VMP1: variants seen among roughly 807,000 people sequenced by gnomAD.
VMP1 encodes vacuole membrane protein 1.
A neutral mutation model predicts 56.0 loss-of-function variants in VMP1; 11 were observed. The ratio of observed to expected loss-of-function variants is 0.20; its 90% confidence interval spans 0.12 to 0.32. The LOEUF is 0.32. Among genes scored for constraint, VMP1 ranks in the 10% least tolerant of loss-of-function variants. The pLI is 1.00. For missense variants in VMP1, 296 were observed against 490.3 expected, an observed-to-expected ratio of 0.60 and a Z score of 3.74; for synonymous variants, 149 against 165.0, an observed-to-expected ratio of 0.90 and a Z score of 0.74.
intron 9 of VMP1, among the ~76,000 whole-genome samples, chr17:59,817,017 C>T (rs2144254678): frequency 1.3e-5 from 2 of 149,750 alleles, no homozygotes; most frequent in South Asian, 2.1e-4. Context: ...GCCTGTAATC[C>T]CAGCACTTTG....
intron 7 of VMP1, among the ~76,000 whole-genome samples, chr17:59,778,792 T>C (rs1302800061): frequency 2.6e-5 from 4 of 152,234 alleles, no homozygotes; most frequent in African/African-American, 7.2e-5. Flanking sequence ...GTTTGACTTA[T>C]GATTGTTCAC....
chr17:59,792,972 G>A lies in VMP1; in HGVS notation c.715-15824G>A, dbSNP rs1296045119. ...GGCTGAGGTGGAAGGATCACTTGGA[G>A]CCCAGGAGTTCAAGACCAGTCTGGG... On this transcript the variant is annotated intron_variant, in intron 7 of 11. Transcript: ENST00000262291. Among the ~76,000 whole-genome samples, 2 of 110,460 alleles carry A rather than the reference G, an allele frequency of 1.8e-5. 1 individual carries two copies. Among genetic ancestry groups the A allele is most frequent in the African/African-American group, 5.3e-5 (2 of 37,740 alleles). The allele number at this position is 110,460 out of a possible 152,430, so 72.5% of individuals were successfully genotyped here.
At chr17:59,763,648 T>C (rs1038880534) in intron 5 of VMP1, among the ~76,000 whole-genome samples, 3 of 152,170 alleles carry the variant, frequency 2.0e-5, no homozygotes, top group Non-Finnish European at 4.4e-5. Flanking sequence ...ATCTTGATAG[T>C]AGAATGTCTT....
rs751315287 is a variant in VMP1 at position 59,839,873 on chromosome 17, A to G, written c.1183A>G (p.Ile395Val). 2 of 1,612,774 alleles carry G rather than the reference A, an allele frequency of 1.2e-6. No homozygotes were observed. Among genetic ancestry groups the G allele is most frequent in the South Asian group, 2.2e-5 (2 of 90,650 alleles). Reference protein sequence around the residue: ...NSMAQSYAKRIQQRLNSEEKT... With the variant: ...NSMAQSYAKRVQQRLNSEEKT... ...CATGGCACAAAGTTATGCCAAACGA[A>G]TCCAGCAGCGGTTGAACTCAGAGGA... The change falls in exon 12 of 12, where the codon ATC (isoleucine) becomes GTC (valine). Residue 395 changes from isoleucine (I) to valine (V), a missense_variant. Around this residue, in one of 4 missense-constraint regions of VMP1, gnomAD observed 95 missense variants for 137.6 expected, o/e 0.69. Transcript: ENST00000262291.
chr17:59,729,220 C>T (rs555947127), intron 1 of VMP1, among the ~76,000 whole-genome samples: 17 of 152,168 alleles, frequency 1.1e-4, no homozygotes, highest in Admixed American at 5.2e-4. Flanking sequence ...CGCAGTGGCT[C>T]ACGCCTGTAA....
chr17:59,797,400 C>A (rs1323102761), intron 7 of VMP1, among the ~76,000 whole-genome samples: 8 of 150,482 alleles, frequency 5.3e-5, no homozygotes, highest in African/African-American at 2.0e-4. Context: ...AAAGCGGAAG[C>A]AACCCTAATG....
chr17:59,712,775 GAGT>G (rs1212512809), intron 1 of VMP1, among the ~76,000 whole-genome samples: 1 of 152,166 alleles, frequency 6.6e-6, no homozygotes, highest in Non-Finnish European at 1.5e-5. Flanking sequence ...ATTTGATTTT[GAGT>G]GCAGTAGGAA....
At chr17:59,808,701 C>A in intron 7 of VMP1, 95 bp from the exon 8 acceptor site, 1 of 943,450 alleles carries the variant, frequency 1.1e-6, no homozygotes. Flanking sequence ...TAATCAGTGT[C>A]ATCAGATTGG....
At chr17:59,734,916 T>TTC (rs1324979597) in intron 2 of VMP1, among the ~76,000 whole-genome samples, 3 of 145,162 alleles carry the variant, frequency 2.1e-5, no homozygotes, top group Non-Finnish European at 4.5e-5. Context: ...TTTTTTTTTT[T>TTC]TTTTTTTTTG....
intron 4 of VMP1, 42 bp from the exon 5 acceptor site, chr17:59,738,795 G>A (rs1174668205): frequency 1.5e-6 from 2 of 1,348,376 alleles, no homozygotes; most frequent in Non-Finnish European, 2.1e-6. Context: ...CCGCATTTCT[G>A]TATAGAGAAT....
intron 1 of VMP1, among the ~76,000 whole-genome samples, chr17:59,717,834 T>C (rs2034226641): frequency 6.6e-6 from 1 of 152,100 alleles, no homozygotes; most frequent in Non-Finnish European, 1.5e-5. Context: ...ACAGGAGAAT[T>C]ACTTGAACCT....
chr17:59,789,110 G>A (rs2037121313), intron 7 of VMP1, among the ~76,000 whole-genome samples: 1 of 150,568 alleles, frequency 6.6e-6, no homozygotes, highest in Non-Finnish European at 1.5e-5. Flanking sequence ...CTAACACGGT[G>A]AAATCCCGTC....
intron 1 of VMP1, among the ~76,000 whole-genome samples, chr17:59,719,345 A>G (rs2034303172): frequency 6.6e-6 from 1 of 152,184 alleles, no homozygotes; most frequent in African/African-American, 2.4e-5. Context: ...AAACAAATAG[A>G]TACTTCTGAA....
At chr17:59,751,108 A>G (rs2035626826) in intron 5 of VMP1, among the ~76,000 whole-genome samples, 1 of 151,268 alleles carries the variant, frequency 6.6e-6, no homozygotes, top group South Asian at 2.1e-4. Flanking sequence ...AATTTTTTGT[A>G]TTTTCAGTAG....
At chr17:59,767,630 ATC>A (rs1287003264) in intron 6 of VMP1, among the ~76,000 whole-genome samples, 1 of 152,122 alleles carries the variant, frequency 6.6e-6, no homozygotes, top group African/African-American at 2.4e-5. Context: ...GAAAACCACT[ATC>A]TCGGCTGGCT....
chr17:59,827,356 G>A (rs557389589), intron 10 of VMP1, among the ~76,000 whole-genome samples: 208 of 151,340 alleles, frequency 1.4e-3, no homozygotes, highest in African/African-American at 4.8e-3. Flanking sequence ...TTGCTCTGTC[G>A]CCCAGCCTGG....
chr17:59,785,638 T>C (rs1367590244), intron 7 of VMP1, among the ~76,000 whole-genome samples: 1 of 145,300 alleles, frequency 6.9e-6, no homozygotes, highest in Non-Finnish European at 1.5e-5. Context: ...TGCAGTGAGC[T>C]GAGATCACAC....
At chr17:59,803,631 G>T (rs2037747859) in intron 7 of VMP1, among the ~76,000 whole-genome samples, 1 of 152,058 alleles carries the variant, frequency 6.6e-6, no homozygotes. Context: ...ACAGAGAAAT[G>T]GAACTAATAA....
intron 10 of VMP1, among the ~76,000 whole-genome samples, chr17:59,829,030 C>T (rs984070187): frequency 1.3e-5 from 2 of 152,120 alleles, no homozygotes; most frequent in Non-Finnish European, 2.9e-5. Flanking sequence ...GCAGGAGAAT[C>T]GCTTGAAGCC....
Sources: gnomAD v4.1 joint callset for allele counts (sites outside exome capture counted in the v4.1 genomes callset) on GRCh38, gnomAD v4.1.1 for gene constraint, gnomAD v4.1.1 regional missense constraint, MANE v1.5 for transcripts, NCBI Gene and HGNC (gene_info 2026-07-23, HGNC 2026-07-21) for gene names.